The following SH3BGRL2 variants were observed in gnomAD, a reference collection of about 807,000 sequenced individuals.
The protein encoded by SH3BGRL2 is SH3 domain binding glutamate rich protein like 2.
A neutral mutation model predicts 14.8 loss-of-function variants in SH3BGRL2; 21 were observed. The ratio of observed to expected loss-of-function variants is 1.42; its 90% confidence interval spans 1.01 to 2.05. SH3BGRL2 has a LOEUF of 2.05. Ranked by LOEUF, SH3BGRL2 falls within the 30% of genes most tolerant of loss-of-function variation. SH3BGRL2 has a pLI of 0.00. For missense variants in SH3BGRL2, 147 were observed against 130.8 expected, an observed-to-expected ratio of 1.12 and a Z score of -0.61; for synonymous variants, 50 against 47.8, an observed-to-expected ratio of 1.05 and a Z score of -0.19.
chr6:79,542,002 C>G, the SH3BGRL2 span, among the ~76,000 whole-genome samples: 1 of 152,110 alleles, frequency 6.6e-6, no homozygotes, highest in East Asian at 1.9e-4. Context: ...ACTTCCCCAC[C>G]AATAATTTCT....
chr6:79,660,047 G>A (rs949782289), intron 1 of SH3BGRL2, among the ~76,000 whole-genome samples: 7 of 152,148 alleles, frequency 4.6e-5, no homozygotes, highest in Admixed American at 1.3e-4. Flanking sequence ...GGGCTGAGAC[G>A]ATGGGGTTTT....
At chr6:79,602,442 G>A in the SH3BGRL2 span, among the ~76,000 whole-genome samples, 68 of 152,284 alleles carry the variant, frequency 4.5e-4, no homozygotes, top group African/African-American at 1.4e-3. Context: ...GTATTCCTAC[G>A]AAAGATCTGA....
chr6:79,613,763 T>G, the SH3BGRL2 span, among the ~76,000 whole-genome samples: 2 of 152,108 alleles, frequency 1.3e-5, no homozygotes, highest in African/African-American at 4.8e-5. Context: ...CCCGCCACCA[T>G]GCCTGGCTAA....
At chr6:79,621,218 G>T in the SH3BGRL2 span, among the ~76,000 whole-genome samples, 1 of 152,146 alleles carries the variant, frequency 6.6e-6, no homozygotes, top group Non-Finnish European at 1.5e-5. Flanking sequence ...GGAAATCAAG[G>T]CACAGATGCT....
chr6:79,674,159 TATTAA>T (rs1320538174), intron 2 of SH3BGRL2, among the ~76,000 whole-genome samples: 1 of 152,172 alleles, frequency 6.6e-6, no homozygotes, highest in Non-Finnish European at 1.5e-5. Flanking sequence ...TCATTTTAAT[TATTAA>T]ATTATTAATC....
At chr6:79,549,298 CTT>C in the SH3BGRL2 span, among the ~76,000 whole-genome samples, 245 of 152,220 alleles carry the variant, frequency 1.6e-3, no homozygotes, top group Middle Eastern at 6.8e-3. Context: ...TAAGAGGAAT[CTT>C]TTTCAAAAGA....
chr6:79,560,051 G>C, the SH3BGRL2 span, among the ~76,000 whole-genome samples: 2 of 152,102 alleles, frequency 1.3e-5, no homozygotes, highest in African/African-American at 4.8e-5. Flanking sequence ...GAAGAAGAAG[G>C]AATTTCAGAG....
the SH3BGRL2 span, among the ~76,000 whole-genome samples, chr6:79,598,329 T>C: frequency 6.6e-6 from 1 of 152,174 alleles, no homozygotes; most frequent in African/African-American, 2.4e-5. Context: ...TAGCTAAAAG[T>C]AGAAACAATC....
rs1318645678 is a variant in SH3BGRL2, at chr6:79,701,075, G to T, written c.*1566G>T. 2.0e-5 allele frequency: 3 copies of T among 152,248 alleles called. No homozygotes were observed. In the East Asian group the frequency reaches 5.8e-4, roughly 29 times the overall value. The allele number at this position is 152,248 out of a possible 1,614,324, so 9.4% of individuals were successfully genotyped here. A position where few individuals can be genotyped will look rare whatever the true frequency, so the allele number is the denominator to read the frequency against. ...CTGAAATCCCAACCTGAGATTTGTAGTCCAGGATTACAACCAGAAGGAAAG... is the reference window on the plus strand; with the variant it reads ...CTGAAATCCCAACCTGAGATTTGTATTCCAGGATTACAACCAGAAGGAAAG... On this transcript the variant is annotated 3_prime_UTR_variant, in exon 4 of 4. Coordinates refer to ENST00000369838, the MANE Select transcript of SH3BGRL2 (RefSeq NM_031469.4).
chr6:79,542,504 G>A, the SH3BGRL2 span, among the ~76,000 whole-genome samples: 1 of 152,106 alleles, frequency 6.6e-6, no homozygotes, highest in South Asian at 2.1e-4. Flanking sequence ...CTTGACCTCA[G>A]GTGATCCACC....
chr6:79,686,025 T>C (rs924333771), intron 2 of SH3BGRL2, among the ~76,000 whole-genome samples: 10 of 152,324 alleles, frequency 6.6e-5, no homozygotes, highest in African/African-American at 2.4e-4. Flanking sequence ...TAATTGATCA[T>C]TTTGTTTAAT....
chr6:79,655,296 C>T (rs2127727551), intron 1 of SH3BGRL2, among the ~76,000 whole-genome samples: 1 of 152,226 alleles, frequency 6.6e-6, no homozygotes, highest in African/African-American at 2.4e-5. Flanking sequence ...CCCTAAACTA[C>T]TTTTGTACCA....
At chr6:79,669,637 G>A (rs1044972803) in intron 1 of SH3BGRL2, among the ~76,000 whole-genome samples, 1 of 151,804 alleles carries the variant, frequency 6.6e-6, no homozygotes, top group Admixed American at 6.6e-5. Context: ...TAGAGATAGG[G>A]TTTCACCATG....
chr6:79,590,606 G>A, the SH3BGRL2 span, among the ~76,000 whole-genome samples: 1 of 151,582 alleles, frequency 6.6e-6, no homozygotes, highest in African/African-American at 2.4e-5. Flanking sequence ...TTACAAGTGG[G>A]AGCTAAACAC....
the SH3BGRL2 span, among the ~76,000 whole-genome samples, chr6:79,559,671 G>A: frequency 1.3e-5 from 2 of 152,114 alleles, no homozygotes; most frequent in African/African-American, 2.4e-5. Context: ...AAGTAAAGGC[G>A]TTACATCAAT....
the SH3BGRL2 span, among the ~76,000 whole-genome samples, chr6:79,606,956 T>A: frequency 6.6e-6 from 1 of 152,214 alleles, no homozygotes; most frequent in African/African-American, 2.4e-5. Context: ...ACTTTGCTTC[T>A]TTATTAGAAT....
intron 2 of SH3BGRL2, among the ~76,000 whole-genome samples, chr6:79,690,008 C>A (rs1435937735): frequency 6.6e-6 from 1 of 152,050 alleles, no homozygotes; most frequent in Non-Finnish European, 1.5e-5. Context: ...GACATAGGCC[C>A]TCCGTCACTC....
the SH3BGRL2 span, among the ~76,000 whole-genome samples, chr6:79,554,234 G>A: frequency 2.6e-5 from 4 of 152,222 alleles, no homozygotes; most frequent in East Asian, 1.9e-4. Context: ...CACAGTAGGT[G>A]TATTAATACC....
chr6:79,612,594 C>T, the SH3BGRL2 span, among the ~76,000 whole-genome samples: 270 of 152,216 alleles, frequency 1.8e-3, no homozygotes, highest in African/African-American at 6.0e-3. Context: ...CTGTGCAATC[C>T]GAACCAGTGA....
Sources: allele counts gnomAD v4.1 joint callset (sites outside exome capture counted in the v4.1 genomes callset), GRCh38; gene constraint gnomAD v4.1.1; transcripts MANE v1.5; gene names NCBI Gene and HGNC (gene_info 2026-07-23, HGNC 2026-07-21).